The following ATP7A variants were observed in gnomAD, a reference collection of about 807,000 sequenced individuals.
ATP7A encodes the protein copper-transporting ATPase 1.
A neutral mutation model predicts 83.5 loss-of-function variants in ATP7A; 7 were observed. The observed-to-expected ratio is 0.08, with a 90% CI of 0.05 to 0.16. ATP7A has a LOEUF of 0.16. Among genes scored for constraint, ATP7A ranks in the 10% least tolerant of loss-of-function variants. The pLI is 1.00. For synonymous variants in ATP7A, 354 were observed against 395.2 expected, an observed-to-expected ratio of 0.90 and a Z score of 1.24; for missense variants, 940 against 1,120.8, an observed-to-expected ratio of 0.84 and a Z score of 2.30.
intron 14 of ATP7A, among the ~76,000 whole-genome samples, chrX:78,025,964 G>A (rs1396207137): frequency 9.0e-6 from 1 of 111,408 alleles, no homozygotes; most frequent in African/African-American, 3.3e-5. Context: ...ACAAAAGAAT[G>A]ATACTTGCTA....
chrX:77,953,143 G>A (rs2077422480), intron 1 of ATP7A, among the ~76,000 whole-genome samples: 1 of 111,644 alleles, frequency 9.0e-6, no homozygotes, highest in African/African-American at 3.3e-5. Flanking sequence ...GTTTTCATAG[G>A]CATTTAATGT....
At chrX:77,937,089 A>G (rs1041561277) in intron 1 of ATP7A, among the ~76,000 whole-genome samples, 26 of 113,019 alleles carry the variant, frequency 2.3e-4, no homozygotes, top group African/African-American at 8.3e-4. Flanking sequence ...AAGGAAATGC[A>G]GATTAGGCAG....
intron 5 of ATP7A, 100 bp from the exon 6 acceptor site, chrX:78,002,973 G>T: frequency 1.1e-6 from 1 of 907,450 alleles, no homozygotes. Context: ...TAATACTTAA[G>T]AGAAATCCTT....
intron 12 of ATP7A, among the ~76,000 whole-genome samples, chrX:78,017,997 C>T (rs1170895083): frequency 3.8e-5 from 4 of 104,965 alleles, no homozygotes; most frequent in Non-Finnish European, 5.9e-5. Context: ...AGGATGGTCT[C>T]AATCTCCTGA....
In ATP7A at chrX:77,988,521, G is replaced by A. The variant is rs371441365; in HGVS notation, c.400G>A (p.Val134Met). Residue 134 changes from valine (V) to methionine (M), a missense_variant, in exon 3 of 23, where the codon GTG becomes ATG. By Grantham distance (21) the Val-to-Met change is conservative. This residue lies in a region of ATP7A where 350 missense variants were observed against 432.8 expected (regional missense o/e 0.81). Coordinates refer to ENST00000341514, the MANE Select transcript of ATP7A (RefSeq NM_000052.7). ...AGCAGTGACAATAATCCCTTCTATA[G>A]TGAATGCCAATCAGATAAAAGAGCT... ...TVAVTIIPSIVNANQIKELVP... is the reference protein window; with the variant it reads ...TVAVTIIPSIMNANQIKELVP... 7 of 1,209,724 alleles carry A rather than the reference G, an allele frequency of 5.8e-6. No individual in the cohort carries two copies. Among genetic ancestry groups the A allele is most frequent in the Non-Finnish European group, 7.8e-6 (7 of 895,066 alleles).
At chrX:77,943,090 T>TG (rs1557225836) in intron 1 of ATP7A, among the ~76,000 whole-genome samples, 1 of 112,307 alleles carries the variant, frequency 8.9e-6, no homozygotes, top group Non-Finnish European at 1.9e-5. Context: ...GTGCTGGGAT[T>TG]ACAGGCATGA....
At position 78,033,746 on chromosome X, in the gene ATP7A, T is replaced by C. The variant is rs1234055817; in HGVS notation, c.3436T>C (p.Ser1146Pro). The C allele has an allele frequency of 8.3e-7, 1 of 1,209,001 alleles. No individual in the cohort carries two copies. Among genetic ancestry groups the C allele is most frequent in the African/African-American group, 1.8e-5 (1 of 57,042 alleles). The change falls in exon 17 of 23, where the codon TCC (serine) becomes CCC (proline). Residue 1146 changes from serine to proline, a missense_variant. By Grantham distance (74) the Ser-to-Pro change is moderately conservative. Transcript: ENST00000341514. Reference protein sequence around the residue: ...NIEDNNIKNASLVQIDASNEQ... With the variant: ...NIEDNNIKNAPLVQIDASNEQ... ...AGAGGACAATAATATTAAAAATGCA[T>C]CCCTGGTTCAAATTGATGCCAGTAA...
chrX:78,010,643 G>A (rs1273240339), intron 7 of ATP7A, among the ~76,000 whole-genome samples: 1 of 92,249 alleles, frequency 1.1e-5, no homozygotes, highest in Non-Finnish European at 2.1e-5. Flanking sequence ...GCAGTGGTGC[G>A]ATCTCAGCTC....
intron 2 of ATP7A, among the ~76,000 whole-genome samples, chrX:77,987,720 G>A (rs187696493): frequency 1.8e-3 from 197 of 110,697 alleles, no homozygotes; most frequent in African/African-American, 6.2e-3. Context: ...CTCATAAACC[G>A]GCAGGCTTAT....
intron 1 of ATP7A, chrX:77,969,613 A>T (rs782509249): frequency 1.7e-6 from 2 of 1,212,025 alleles, no homozygotes; most frequent in East Asian, 3.0e-5. Context: ...GCCGTGCCGG[A>T]TCAGCACCAG....
In ATP7A at chrX:77,997,994, C is replaced by G. The variant is rs528113921; in HGVS notation, c.1337-484C>G. On this transcript the variant is annotated intron_variant, in intron 4 of 22. Transcript: ENST00000341514. ...CACTGTTAATAGTTTGGTATGTAAC[C>G]CCCCCGCCCAGCTTTCTTATGCATG... 3.7e-5 allele frequency among the ~76,000 whole-genome samples: 4 copies of G among 108,885 alleles called. No homozygotes were observed. The South Asian group carries it at 1.6e-3, about 44-fold the overall frequency. 94.6% of individuals were successfully genotyped at this position (108,885 alleles called of 115,157 possible).
intron 1 of ATP7A, among the ~76,000 whole-genome samples, chrX:77,942,600 T>C (rs782617866): frequency 1.1e-3 from 123 of 109,340 alleles, no homozygotes; most frequent in Non-Finnish European, 1.9e-3. Flanking sequence ...CACGTGCCAC[T>C]ATGACTGGCT....
chrX:77,980,780 T>C (rs782159536), intron 2 of ATP7A, among the ~76,000 whole-genome samples: 1 of 111,634 alleles, frequency 9.0e-6, no homozygotes, highest in African/African-American at 3.2e-5. Context: ...CTGATTCTCC[T>C]GCCTCAGCCT....
At position 77,990,012 on chromosome X, in the gene ATP7A, T is replaced by C. The variant is rs139880677; in HGVS notation, c.1336+54T>C. On this transcript the variant is annotated intron_variant, in intron 4 of 22. Transcript: ENST00000341514. ...TAATGTTCTTTTACTTCCATTTTGCTGCTTCTTTTGGCATTTATCAATGAG... is the reference window on the plus strand; with the variant it reads ...TAATGTTCTTTTACTTCCATTTTGCCGCTTCTTTTGGCATTTATCAATGAG... 3,379 of 1,192,926 alleles carry C rather than the reference T, an allele frequency of 2.8e-3. 53 individuals are homozygous for C. In the East Asian group the frequency reaches 0.044, roughly 15 times the overall value.
At chrX:78,041,524 C>T (rs1487001699) in intron 19 of ATP7A, among the ~76,000 whole-genome samples, 3 of 109,979 alleles carry the variant, frequency 2.7e-5, no homozygotes, top group African/African-American at 1.0e-4. Flanking sequence ...ATCCGCCCGC[C>T]TCGGCCTCCC....
chrX:77,920,219 AT>A (rs782164386), intron 1 of ATP7A, among the ~76,000 whole-genome samples: 140 of 93,871 alleles, frequency 1.5e-3, no homozygotes, highest in Admixed American at 1.6e-3. Flanking sequence ...ATGAGTACCC[AT>A]TTTTTTTTTT....
At chrX:77,922,050 C>T (rs1603369932) in intron 1 of ATP7A, among the ~76,000 whole-genome samples, 1 of 111,074 alleles carries the variant, frequency 9.0e-6, no homozygotes, top group East Asian at 2.9e-4. Flanking sequence ...CTGCTTTGGC[C>T]TCTCAAAGTG....
intron 1 of ATP7A, among the ~76,000 whole-genome samples, chrX:77,937,064 T>C (rs186894844): frequency 6.2e-5 from 7 of 112,627 alleles, no homozygotes; most frequent in African/African-American, 1.6e-4. Context: ...CTAGAAGATA[T>C]GAAAATAGCA....
intron 1 of ATP7A, among the ~76,000 whole-genome samples, chrX:77,935,680 G>C (rs782302407): frequency 9.0e-6 from 1 of 111,170 alleles, no homozygotes; most frequent in African/African-American, 3.3e-5. Flanking sequence ...CCCCAAATTA[G>C]CAATTTTGTT....
Sources: gnomAD v4.1 joint callset for allele counts (sites outside exome capture counted in the v4.1 genomes callset) on GRCh38, gnomAD v4.1.1 for gene constraint, gnomAD v4.1.1 regional missense constraint, MANE v1.5 for transcripts, NCBI Gene and HGNC (gene_info 2026-07-23, HGNC 2026-07-21) for gene names.